GRIK3: variants seen among roughly 807,000 people sequenced by gnomAD.
The protein encoded by GRIK3 is glutamate receptor ionotropic, kainate 3.
In GRIK3, 29 loss-of-function variants were observed where a neutral mutation model predicts 102.5. That is an observed-to-expected ratio of 0.28 (90% CI 0.21 to 0.39). The LOEUF is 0.39. GRIK3 is among the 10% of genes least tolerant of loss of function. The pLI is 1.00. For missense variants in GRIK3, 908 were observed against 1,252.4 expected, an observed-to-expected ratio of 0.73 and a Z score of 4.15; for synonymous variants, 511 against 504.9, an observed-to-expected ratio of 1.01 and a Z score of -0.16.
intron 1 of GRIK3, among the ~76,000 whole-genome samples, chr1:36,960,399 C>T (rs139439445): frequency 4.5e-4 from 68 of 152,304 alleles, no homozygotes; most frequent in African/African-American, 1.6e-3. Context: ...AATTGCAGCT[C>T]CGGTATTTAA....
chr1:36,909,787 T>G (rs1354995311), intron 1 of GRIK3, among the ~76,000 whole-genome samples: 1 of 152,180 alleles, frequency 6.6e-6, no homozygotes, highest in Non-Finnish European at 1.5e-5. Context: ...TAGAACTGGC[T>G]GTGTCAACTG....
Position 37,014,525 on chromosome 1 carries a change from G to T in GRIK3, c.115+19469C>A, listed in dbSNP as rs576773279. Among the ~76,000 whole-genome samples the T allele has an allele frequency of 4.6e-5, 7 of 152,348 alleles. No homozygotes were observed. In the East Asian group the frequency reaches 1.4e-3, roughly 29 times the overall value. ...ATGGAGTAATGAGGTCTTATCATGT[G>T]TGCCCCATCTGGTTTCTCCAGGAAA... On this transcript the variant is annotated intron_variant, in intron 1 of 15. Transcript: ENST00000373091.
chr1:36,918,579 A>G (rs971255383), intron 1 of GRIK3, among the ~76,000 whole-genome samples: 1 of 152,216 alleles, frequency 6.6e-6, no homozygotes, highest in Admixed American at 6.5e-5. Context: ...ACTGTATGAC[A>G]GATGAAGAAA....
intron 13 of GRIK3, among the ~76,000 whole-genome samples, chr1:36,812,726 A>G (rs1406019755): frequency 6.6e-6 from 1 of 150,986 alleles, no homozygotes; most frequent in African/African-American, 2.4e-5. Context: ...TCGTCTTTGG[A>G]CAGAAACAGG....
At chr1:36,915,407 C>A (rs1321597843) in intron 1 of GRIK3, among the ~76,000 whole-genome samples, 1 of 152,158 alleles carries the variant, frequency 6.6e-6, no homozygotes, top group East Asian at 1.9e-4. Context: ...ATAAACATTT[C>A]TCAAATATAA....
chr1:37,010,954 G>A (rs1642589844), intron 1 of GRIK3, among the ~76,000 whole-genome samples: 1 of 151,904 alleles, frequency 6.6e-6, no homozygotes, highest in Non-Finnish European at 1.5e-5. Flanking sequence ...TGTTAGCCAG[G>A]ATGATCTCGA....
At chr1:36,986,659 G>A (rs1206296662) in intron 1 of GRIK3, among the ~76,000 whole-genome samples, 1 of 152,250 alleles carries the variant, frequency 6.6e-6, no homozygotes, top group African/African-American at 2.4e-5. Flanking sequence ...AGTGTGATAA[G>A]TGCAGTTACC....
At chr1:36,939,873 G>T (rs187131197) in intron 1 of GRIK3, among the ~76,000 whole-genome samples, 1 of 150,828 alleles carries the variant, frequency 6.6e-6, no homozygotes, top group African/African-American at 2.5e-5. Flanking sequence ...TACCACTACC[G>T]TTGTCCCTGG....
At chr1:36,973,416 C>CTTTTTTT (rs35394730) in intron 1 of GRIK3, among the ~76,000 whole-genome samples, 1 of 114,948 alleles carries the variant, frequency 8.7e-6, no homozygotes, top group Non-Finnish European at 1.7e-5. Context: ...CTTCTTTTTC[C>CTTTTTTT]TTTTTTTTTT....
intron 1 of GRIK3, among the ~76,000 whole-genome samples, chr1:36,956,955 C>T (rs548020161): frequency 6.6e-6 from 1 of 152,274 alleles, no homozygotes; most frequent in Non-Finnish European, 1.5e-5. Flanking sequence ...GTAAAGCACT[C>T]TGTCTCCACC....
chr1:37,017,369 T>TAAAAAAAA (rs774819790), intron 1 of GRIK3, among the ~76,000 whole-genome samples: 14 of 48,522 alleles, frequency 2.9e-4, no homozygotes, highest in East Asian at 7.9e-4. Flanking sequence ...CCCTGTCTCT[T>TAAAAAAAA]AAAAAAAAAA....
chr1:36,829,201 C>T (rs1642786978), intron 10 of GRIK3, among the ~76,000 whole-genome samples: 1 of 152,132 alleles, frequency 6.6e-6, no homozygotes, highest in Non-Finnish European at 1.5e-5. Context: ...GTCCAACTTC[C>T]CTTGAAAGAT....
At chr1:36,999,441 T>C (rs1417364608) in intron 1 of GRIK3, among the ~76,000 whole-genome samples, 1 of 152,094 alleles carries the variant, frequency 6.6e-6, no homozygotes, top group Non-Finnish European at 1.5e-5. Flanking sequence ...GCATCTGACC[T>C]TCCCACTTGC....
rs554982373 is a variant in GRIK3 at position 36,831,275 on chromosome 1, G to A, written c.1531-5449C>T. Among the ~76,000 whole-genome samples the A allele has an allele frequency of 1.2e-4, 18 of 152,256 alleles. No homozygotes were observed. The South Asian group carries it at 2.1e-3, about 18-fold the overall frequency. On this transcript the variant is annotated intron_variant, in intron 10 of 15. Transcript: ENST00000373091. The stretch of plus-strand genomic sequence containing the variant: ...CTGGCCCCTGACCATGGGGCTTCCC[G>A]GCATATACTTCACGTTGCCTGGCTT...
Position 37,005,117 on chromosome 1 carries a change from G to A in GRIK3, c.115+28877C>T, listed in dbSNP as rs143019596. On this transcript the variant is annotated intron_variant, in intron 1 of 15. Transcript: ENST00000373091. The stretch of plus-strand genomic sequence containing the variant: ...CACCTGCTGAACTTAACCTACTCCT[G>A]CGACTCCCACTCTGGGCTCTGTTAC... Among the ~76,000 whole-genome samples, 806 of 152,306 alleles carry A rather than the reference G, an allele frequency of 5.3e-3. 7 individuals are homozygous for A. The highest frequency in any genetic ancestry group is 0.018 in the African/African-American group (728 of 41,544).
chr1:36,855,917 T>A (rs1640645864), intron 7 of GRIK3, among the ~76,000 whole-genome samples: 1 of 152,180 alleles, frequency 6.6e-6, no homozygotes, highest in Non-Finnish European at 1.5e-5. Flanking sequence ...ACACTGAGGC[T>A]CAAAGAGGGA....
At chr1:36,895,977 T>C (rs1641167955) in intron 1 of GRIK3, among the ~76,000 whole-genome samples, 1 of 152,142 alleles carries the variant, frequency 6.6e-6, no homozygotes, top group Admixed American at 6.5e-5. Flanking sequence ...AAGTGAAATA[T>C]ATAAAGTATT....
At chr1:36,899,254 C>T (rs546474697) in intron 1 of GRIK3, among the ~76,000 whole-genome samples, 19 of 152,098 alleles carry the variant, frequency 1.2e-4, no homozygotes, top group East Asian at 3.9e-4. Context: ...CTATAGAATG[C>T]GAGAAGATAT....
intron 9 of GRIK3, among the ~76,000 whole-genome samples, chr1:36,843,176 G>C (rs924459736): frequency 6.6e-6 from 1 of 152,194 alleles, no homozygotes; most frequent in South Asian, 2.1e-4. Flanking sequence ...TCATCCAGTC[G>C]AGATATGCAG....
Sources: allele counts gnomAD v4.1 joint callset (sites outside exome capture counted in the v4.1 genomes callset), GRCh38; gene constraint gnomAD v4.1.1; transcripts MANE v1.5; gene names NCBI Gene and HGNC (gene_info 2026-07-23, HGNC 2026-07-21).